The following MICU3 variants were observed in gnomAD, a reference collection of about 807,000 sequenced individuals.
MICU3 encodes the protein mitochondrial calcium uptake 3, also known as calcium uptake protein 3, mitochondrial.
MICU3 carries 62 observed loss-of-function variants against 66.5 expected under a neutral mutation model. The observed-to-expected ratio is 0.93, with a 90% CI of 0.76 to 1.15. MICU3 has a LOEUF of 1.15. Among genes scored for constraint, MICU3 ranks in the 50% most tolerant of loss-of-function variants. The probability of loss-of-function intolerance (pLI) is 0.00; values close to 1 mark genes in which losing one functional copy is unlikely to be tolerated. For missense variants in MICU3, 779 were observed against 664.4 expected, an observed-to-expected ratio of 1.17 and a Z score of -1.90; for synonymous variants, 308 against 240.7, an observed-to-expected ratio of 1.28 and a Z score of -2.59.
At chr8:17,082,789 C>T (rs967831104) in intron 5 of MICU3, among the ~76,000 whole-genome samples, 8 of 152,132 alleles carry the variant, frequency 5.3e-5, no homozygotes, top group African/African-American at 1.9e-4. Context: ...AAAATTCACA[C>T]CACTGTGTTA....
the MICU3 span, chr8:17,131,782 C>T: frequency 3.9e-5 from 6 of 152,224 alleles, no homozygotes; most frequent in Non-Finnish European, 7.3e-5. Context: ...CCTCCAGCGT[C>T]CTCCAGAACC....
intron 2 of MICU3, among the ~76,000 whole-genome samples, chr8:17,069,265 A>G (rs1264545826): frequency 1.3e-5 from 2 of 152,124 alleles, no homozygotes; most frequent in African/African-American, 2.4e-5. Context: ...ATGGAACACT[A>G]GTATAGCAAA....
intron 11 of MICU3, among the ~76,000 whole-genome samples, chr8:17,111,218 G>A (rs949984150): frequency 6.6e-6 from 1 of 152,072 alleles, no homozygotes; most frequent in African/African-American, 2.4e-5. Context: ...CTTTGTACAT[G>A]TTCTTTATAT....
At chr8:17,059,078 G>C (rs1487557503) in intron 1 of MICU3, among the ~76,000 whole-genome samples, 1 of 152,138 alleles carries the variant, frequency 6.6e-6, no homozygotes, top group Admixed American at 6.5e-5. Context: ...ATTTACATTT[G>C]TCATTTGTTG....
chr8:17,136,029 C>T, the MICU3 span, among the ~76,000 whole-genome samples: 10 of 152,206 alleles, frequency 6.6e-5, no homozygotes, highest in African/African-American at 2.4e-4. Context: ...ATTGTACTTA[C>T]TCCATGTTAT....
chr8:17,097,384 T>C (rs916540610), intron 8 of MICU3, among the ~76,000 whole-genome samples: 4 of 151,752 alleles, frequency 2.6e-5, no homozygotes, highest in Admixed American at 2.0e-4. Flanking sequence ...TTTATAGTTA[T>C]GGTAATATTT....
At chr8:17,124,174 A>G (rs1295425215), downstream of MICU3, among the ~76,000 whole-genome samples, 3 of 152,182 alleles carry the variant, frequency 2.0e-5, no homozygotes, top group East Asian at 1.9e-4. Context: ...CAAGACACAC[A>G]GACATGTTTC....
At chr8:17,073,083 G>A (rs559029952) in intron 3 of MICU3, among the ~76,000 whole-genome samples, 1 of 152,004 alleles carries the variant, frequency 6.6e-6, no homozygotes, top group African/African-American at 2.4e-5. Context: ...TAGAGACAGG[G>A]TTTTGCTCTG....
At position 17,104,715 on chromosome 8, in the gene MICU3, G is replaced by T. The variant is rs1196714711; in HGVS notation, c.1085+224G>T. 2.9e-5 allele frequency among the ~76,000 whole-genome samples: 3 copies of T among 102,024 alleles called. No homozygotes were observed. In the East Asian group the frequency reaches 7.2e-4, roughly 24 times the overall value. 66.9% of individuals were successfully genotyped at this position (102,024 alleles called of 152,430 possible). On this transcript the variant is annotated intron_variant, in intron 10 of 14. Transcript: ENST00000318063. Reference sequence around the variant, plus strand: ...ATTTTTTTAAAAATTCCAGATATCGGCCGGGCGCGGTGGCTCACGCCTGTA... The same window carrying T: ...ATTTTTTTAAAAATTCCAGATATCGTCCGGGCGCGGTGGCTCACGCCTGTA...
At chr8:17,037,679 A>C (rs1240724663) in intron 1 of MICU3, among the ~76,000 whole-genome samples, 1 of 152,172 alleles carries the variant, frequency 6.6e-6, no homozygotes, top group Admixed American at 6.5e-5. Context: ...ACCATCCTCC[A>C]GACCCCAGAA....
intron 1 of MICU3, among the ~76,000 whole-genome samples, chr8:17,043,775 T>G (rs1308955791): frequency 6.6e-6 from 1 of 152,226 alleles, no homozygotes; most frequent in Non-Finnish European, 1.5e-5. Flanking sequence ...AAAAGTCAAG[T>G]AAGAGTTTTG....
downstream of MICU3, among the ~76,000 whole-genome samples, chr8:17,125,176 T>C (rs192425637): frequency 1.7e-3 from 244 of 145,782 alleles, no homozygotes; most frequent in African/African-American, 6.0e-3. Flanking sequence ...ACTGTTCATG[T>C]CTTTGTCTTT....
At chr8:17,042,028 C>T (rs1051752154) in intron 1 of MICU3, among the ~76,000 whole-genome samples, 10 of 152,162 alleles carry the variant, frequency 6.6e-5, no homozygotes, top group African/African-American at 1.9e-4. Flanking sequence ...AATTGCAAGG[C>T]TCAATATGAG....
intron 3 of MICU3, among the ~76,000 whole-genome samples, chr8:17,071,471 T>C (rs1279390507): frequency 6.6e-6 from 1 of 152,128 alleles, no homozygotes; most frequent in Non-Finnish European, 1.5e-5. Context: ...GATGACCTTA[T>C]ATAATAACCT....
intron 12 of MICU3, among the ~76,000 whole-genome samples, chr8:17,114,927 G>A (rs1266062899): frequency 6.6e-6 from 1 of 151,892 alleles, no homozygotes; most frequent in Admixed American, 6.6e-5. Context: ...AGACCATCCC[G>A]GCTAAAACGG....
At chr8:17,114,287 C>A in intron 12 of MICU3, 86 bp downstream of exon 12, 1 of 755,370 alleles carries the variant, frequency 1.3e-6, no homozygotes, top group Admixed American at 2.4e-5. Flanking sequence ...TTAAATATGA[C>A]ATATCACCCA....
chr8:17,129,196 C>G, the MICU3 span, among the ~76,000 whole-genome samples: 1 of 152,194 alleles, frequency 6.6e-6, no homozygotes, highest in Non-Finnish European at 1.5e-5. Context: ...AATACCTGCA[C>G]AGGAAGACAG....
intron 1 of MICU3, among the ~76,000 whole-genome samples, chr8:17,051,749 G>C (rs1315253199): frequency 6.6e-6 from 1 of 152,186 alleles, no homozygotes; most frequent in Non-Finnish European, 1.5e-5. Flanking sequence ...TTGACAAGCA[G>C]TTTTGGTGGC....
intron 1 of MICU3, among the ~76,000 whole-genome samples, chr8:17,061,070 C>G (rs1817756097): frequency 6.6e-6 from 1 of 152,142 alleles, no homozygotes; most frequent in Admixed American, 6.5e-5. Context: ...TTTTCTCTCA[C>G]TTCAACATGG....
Sources: allele counts gnomAD v4.1 joint callset (sites outside exome capture counted in the v4.1 genomes callset), GRCh38; gene constraint gnomAD v4.1.1; transcripts MANE v1.5; gene names NCBI Gene and HGNC (gene_info 2026-07-23, HGNC 2026-07-21).